Variants in EIF4ENIF1 observed in about 807,000 individuals in gnomAD.
EIF4ENIF1 encodes the protein eukaryotic translation initiation factor 4E nuclear import factor 1, also known as eukaryotic translation initiation factor 4E transporter.
Under a neutral mutation model 110.5 loss-of-function variants are expected in EIF4ENIF1, and 23 were observed. The ratio of observed to expected loss-of-function variants is 0.21; its 90% CI spans 0.15 to 0.29. EIF4ENIF1 has a LOEUF of 0.29. Ranked by LOEUF, EIF4ENIF1 falls within the 10% of genes least tolerant of loss-of-function variation. The pLI is 1.00. For missense variants in EIF4ENIF1, 1,031 were observed against 1,221.1 expected (o/e 0.84, Z 2.32); for synonymous variants, 440 against 437.0 (o/e 1.01, Z -0.09).
chr22:31,462,334 T>C (rs1328714082), intron 6 of EIF4ENIF1, among the ~76,000 whole-genome samples: 2 of 151,346 alleles, frequency 1.3e-5, no homozygotes, highest in South Asian at 4.2e-4. Flanking sequence ...ATAGAAAAAA[T>C]TACCCAGGCG....
chr22:31,488,866 C>T (rs939664872), intron 1 of EIF4ENIF1, 121 bp from the exon 2 acceptor site: 10 of 1,122,104 alleles, frequency 8.9e-6, no homozygotes, highest in Non-Finnish European at 1.2e-5. Context: ...AAAACAAGTC[C>T]CCACCCCAAA....
At chr22:31,471,345 C>T (rs1275650295) in intron 3 of EIF4ENIF1, among the ~76,000 whole-genome samples, 1 of 150,158 alleles carries the variant, frequency 6.7e-6, no homozygotes, top group Non-Finnish European at 1.5e-5. Flanking sequence ...GACGGAATCT[C>T]GCACTGTCGC....
chr22:31,448,599 A>T (rs2050550955), intron 12 of EIF4ENIF1, among the ~76,000 whole-genome samples: 2 of 152,242 alleles, frequency 1.3e-5, no homozygotes. Flanking sequence ...TGTGGACAGA[A>T]GATTTCAAAA....
rs370956953 is a variant in EIF4ENIF1, at chr22:31,442,910, T to C, written c.2206+52A>G. On this transcript the variant is annotated intron_variant, in intron 16 of 18. Coordinates refer to ENST00000330125, the MANE Select transcript of EIF4ENIF1 (RefSeq NM_019843.4). Reference sequence around the variant, plus strand: ...AGGCTGGTCAGCGCTCAGGCCCATGTTTTCTCCATCACATACTTTCTTGAG... The same window carrying C: ...AGGCTGGTCAGCGCTCAGGCCCATGCTTTCTCCATCACATACTTTCTTGAG... 3 of 1,603,350 alleles carry C rather than the reference T, an allele frequency of 1.9e-6. No individual in the cohort carries two copies. The African/African-American group carries it at 4.0e-5, about 22-fold the overall frequency.
rs575824429 is a variant in EIF4ENIF1 at position 31,455,399 on chromosome 22, T to G, written c.1100-84A>C. 1.1e-5 allele frequency: 12 copies of G among 1,111,412 alleles called. No individual in the cohort carries two copies. In the Admixed American group the frequency reaches 4.5e-4, roughly 42 times the overall value. The allele number at this position is 1,111,412 out of a possible 1,614,324, so 68.8% of individuals were successfully genotyped here. ...CGACAGTATTTTTCTTTCTTTCTTTTTTTTTTTTTTTTTCTTTGAGATGGA... is the reference window on the plus strand; with the variant it reads ...CGACAGTATTTTTCTTTCTTTCTTTGTTTTTTTTTTTTTCTTTGAGATGGA... On this transcript the variant is annotated intron_variant, in intron 8 of 18. Coordinates refer to ENST00000330125, the MANE Select transcript of EIF4ENIF1 (RefSeq NM_019843.4).
chr22:31,458,746 A>C, intron 6 of EIF4ENIF1, 96 bp from the exon 7 acceptor site: 1 of 1,169,588 alleles, frequency 8.6e-7, no homozygotes, highest in Non-Finnish European at 1.2e-6. Context: ...GAAGAGCCAC[A>C]CATGACTTAA....
intron 11 of EIF4ENIF1, 113 bp from the exon 12 acceptor site, chr22:31,449,644 T>C: frequency 1.1e-6 from 1 of 907,640 alleles, no homozygotes; most frequent in Non-Finnish European, 1.7e-6. Context: ...CATGCTCAAC[T>C]GAAGGACTTG....
At chr22:31,489,394 G>C (rs1259069255) in intron 1 of EIF4ENIF1, 1 of 152,074 alleles carries the variant, frequency 6.6e-6, no homozygotes, top group Non-Finnish European at 1.5e-5. Flanking sequence ...TACTCACTGA[G>C]GGGCGGCCGG....
chr22:31,488,963 T>C (rs747240835), intron 1 of EIF4ENIF1, among the ~76,000 whole-genome samples: 4 of 152,222 alleles, frequency 2.6e-5, no homozygotes, highest in Non-Finnish European at 5.9e-5. Context: ...TGGTAAAAAG[T>C]AGAAGGTGCC....
rs762590530 is a variant in EIF4ENIF1 at position 31,463,096 on chromosome 22, C to T, written c.623G>A (p.Arg208His). 9.3e-6 allele frequency: 15 copies of T among 1,613,980 alleles called. No homozygotes were observed. Among genetic ancestry groups the T allele is most frequent in the African/African-American group, 4.0e-5 (3 of 74,890 alleles). The change falls in exon 6 of 19, where the codon CGT becomes CAT. Residue 208 changes from arginine (R) to histidine (H), a missense_variant. Coordinates refer to ENST00000330125, the MANE Select transcript of EIF4ENIF1 (RefSeq NM_019843.4). ...FGDSKRVFGERRRNDSYTEEE... is the reference protein window; with the variant it reads ...FGDSKRVFGEHRRNDSYTEEE... The stretch of plus-strand genomic sequence containing the variant: ...TTCTGTGTAAGAATCATTTCTTCTA[C>T]GCTCACCAAAGACACGCTTACTATC...
chr22:31,486,152 C>T (rs998483325), intron 2 of EIF4ENIF1, among the ~76,000 whole-genome samples: 1 of 152,092 alleles, frequency 6.6e-6, no homozygotes, highest in Non-Finnish European at 1.5e-5. Flanking sequence ...TGCCTGTAAT[C>T]CCAGCTACTT....
At chr22:31,446,472 G>GT (rs1785297387) in intron 14 of EIF4ENIF1, among the ~76,000 whole-genome samples, 1 of 152,072 alleles carries the variant, frequency 6.6e-6, no homozygotes, top group Admixed American at 6.6e-5. Context: ...CCTGGTCTCA[G>GT]TATCTTCTGA....
At chr22:31,456,509 C>G (rs1289364335) in intron 7 of EIF4ENIF1, among the ~76,000 whole-genome samples, 2 of 151,704 alleles carry the variant, frequency 1.3e-5, no homozygotes, top group South Asian at 2.1e-4. Context: ...AAGCATGAGC[C>G]ACCACACCCG....
intron 3 of EIF4ENIF1, among the ~76,000 whole-genome samples, chr22:31,469,419 A>G (rs942815819): frequency 1.3e-5 from 2 of 152,248 alleles, no homozygotes; most frequent in Non-Finnish European, 2.9e-5. Flanking sequence ...GGAATATTTT[A>G]TAGAATCTGG....
At chr22:31,459,255 T>G (rs1197943104) in intron 6 of EIF4ENIF1, among the ~76,000 whole-genome samples, 1 of 152,172 alleles carries the variant, frequency 6.6e-6, no homozygotes, top group Non-Finnish European at 1.5e-5. Context: ...TCTAGTGATT[T>G]TTTTTTTAAA....
chr22:31,462,857 A>G (rs1342903700), intron 6 of EIF4ENIF1, 75 bp downstream of exon 6: 1 of 1,482,048 alleles, frequency 6.7e-7, no homozygotes, highest in Non-Finnish European at 9.2e-7. Flanking sequence ...TGTTGGGATT[A>G]CAGGTGTGAG....
chr22:31,478,515 C>CAAAA (rs35883412), intron 2 of EIF4ENIF1, among the ~76,000 whole-genome samples: 34,397 of 87,148 alleles, frequency 0.39, 7,198 homozygotes, highest in Middle Eastern at 0.46. Context: ...GACTCTGTCT[C>CAAAA]AAAAAAAAAA....
intron 11 of EIF4ENIF1, 36 bp downstream of exon 11, chr22:31,450,253 A>G: frequency 1.9e-6 from 3 of 1,582,006 alleles, no homozygotes; most frequent in Non-Finnish European, 2.6e-6. Context: ...ACTACTGTTC[A>G]AGACTCCAAG....
intron 2 of EIF4ENIF1, among the ~76,000 whole-genome samples, chr22:31,472,743 A>G (rs2051427023): frequency 6.6e-6 from 1 of 152,152 alleles, no homozygotes; most frequent in Non-Finnish European, 1.5e-5. Context: ...ATTTTGTTAC[A>G]TGTATAAACT....
Sources: gnomAD v4.1 joint callset for allele counts (sites outside exome capture counted in the v4.1 genomes callset) on GRCh38, gnomAD v4.1.1 for gene constraint, MANE v1.5 for transcripts, NCBI Gene and HGNC (gene_info 2026-07-23, HGNC 2026-07-21) for gene names.